Variants in SHTN1 observed in about 807,000 individuals in gnomAD.
SHTN1 encodes shootin 1, also known as shootin-1.
Under a neutral mutation model 83.1 loss-of-function variants are expected in SHTN1, and 42 were observed. The ratio of observed to expected loss-of-function variants is 0.51; its 90% CI spans 0.39 to 0.65. The LOEUF (loss-of-function observed/expected upper bound fraction) is 0.65. Among genes scored for constraint, SHTN1 ranks in the 30% least tolerant of loss-of-function variants. The probability of loss-of-function intolerance (pLI) is 0.00; values close to 1 mark genes in which losing one functional copy is unlikely to be tolerated. For missense variants in SHTN1, 622 were observed against 737.8 expected, an observed-to-expected ratio of 0.84 and a Z score of 1.82; for synonymous variants, 224 against 247.7, an observed-to-expected ratio of 0.90 and a Z score of 0.90.
Position 116,886,294 on chromosome 10 carries a change from T to C in SHTN1, c.*50A>G, listed in dbSNP as rs1333454373. 6.4e-7 allele frequency: 1 copy of C among 1,551,026 alleles called. No homozygotes were observed. The highest frequency in any genetic ancestry group is 8.7e-7 in the Non-Finnish European group (1 of 1,146,526). On this transcript the variant is annotated 3_prime_UTR_variant, in exon 17 of 17. Coordinates refer to ENST00000355371, the MANE Select transcript of SHTN1 (RefSeq NM_001127211.3). ...CTTGCCAATATAACAACACTAATCA[T>C]GTGCTTATTGAAAAGGACTTCCAAA...
chr10:116,979,797 T>C (rs1905540), intron 1 of SHTN1, among the ~76,000 whole-genome samples: 137,279 of 152,210 alleles, frequency 0.9, 63,541 homozygotes, highest in Non-Finnish European at 1. Context: ...GTCTGTGGTA[T>C]TGTAATCAGA....
At chr10:117,014,803 A>C (rs1811485292) in intron 2 of SHTN1, among the ~76,000 whole-genome samples, 1 of 152,234 alleles carries the variant, frequency 6.6e-6, no homozygotes. Context: ...TAGGAACCTA[A>C]TTTTAAAATA....
intron 1 of SHTN1, among the ~76,000 whole-genome samples, chr10:117,096,178 A>T (rs1274012789): frequency 1.3e-5 from 2 of 152,230 alleles, no homozygotes; most frequent in Non-Finnish European, 2.9e-5. Context: ...GGTCAAAAAA[A>T]TAAAGTGTAA....
chr10:116,981,995 T>G (rs1335062403), intron 1 of SHTN1, among the ~76,000 whole-genome samples: 1 of 152,054 alleles, frequency 6.6e-6, no homozygotes, highest in African/African-American at 2.4e-5. Context: ...GAGGCAGAGG[T>G]TGCAGTGAGC....
chr10:116,994,781 A>G (rs1424504392), intron 1 of SHTN1, among the ~76,000 whole-genome samples: 1 of 152,100 alleles, frequency 6.6e-6, no homozygotes, highest in African/African-American at 2.4e-5. Flanking sequence ...AAACCTCCCA[A>G]AATCAAATTG....
chr10:116,997,258 G>A (rs1286224481), intron 1 of SHTN1, among the ~76,000 whole-genome samples: 1 of 152,114 alleles, frequency 6.6e-6, no homozygotes, highest in African/African-American at 2.4e-5. Context: ...GCTTTCCTTT[G>A]TCCTAACACT....
intron 8 of SHTN1, among the ~76,000 whole-genome samples, chr10:116,941,388 C>T (rs983252910): frequency 1.3e-5 from 2 of 152,124 alleles, no homozygotes; most frequent in African/African-American, 4.8e-5. Context: ...ATATGTTATT[C>T]ATCAAATCCT....
intron 2 of SHTN1, among the ~76,000 whole-genome samples, chr10:117,045,090 A>G (rs1852641955): frequency 6.6e-6 from 1 of 152,190 alleles, no homozygotes; most frequent in Admixed American, 6.5e-5. Flanking sequence ...GCCTTTCTAT[A>G]AGAAATGGAA....
chr10:117,047,533 G>C (rs560221967), intron 2 of SHTN1, among the ~76,000 whole-genome samples: 13 of 152,178 alleles, frequency 8.5e-5, no homozygotes, highest in Non-Finnish European at 1.3e-4. Context: ...ACGTATCAAC[G>C]ATAATTGCGA....
Position 117,005,142 on chromosome 10 carries a change from G to A in SHTN1, c.-63C>T. 5.1e-6 allele frequency: 8 copies of A among 1,555,626 alleles called. No homozygotes were observed. Among genetic ancestry groups the A allele is most frequent in the Admixed American group, 3.9e-5 (2 of 51,238 alleles). On this transcript the variant is annotated 5_prime_UTR_variant, in exon 1 of 17. Coordinates refer to ENST00000355371, the MANE Select transcript of SHTN1 (RefSeq NM_001127211.3). ...AGCGGCGCGGGGCACACAGGAGGAGGGGGAAGAAAAAGCAAGATGCCGGTG... is the reference window on the plus strand; with the variant it reads ...AGCGGCGCGGGGCACACAGGAGGAGAGGGAAGAAAAAGCAAGATGCCGGTG...
chr10:117,044,171 C>A (rs1852627860), intron 2 of SHTN1, among the ~76,000 whole-genome samples: 1 of 152,076 alleles, frequency 6.6e-6, no homozygotes, highest in African/African-American at 2.4e-5. Context: ...CCACTCTACT[C>A]AAGGGTAACT....
chr10:116,897,355 CT>C (rs1417144057), intron 16 of SHTN1, among the ~76,000 whole-genome samples: 3 of 152,194 alleles, frequency 2.0e-5, no homozygotes, highest in African/African-American at 7.2e-5. Flanking sequence ...CCTCTTACTC[CT>C]TTTCCTAACC....
intron 1 of SHTN1, among the ~76,000 whole-genome samples, chr10:117,056,468 T>C (rs527607095): frequency 1.3e-5 from 2 of 152,244 alleles, no homozygotes; most frequent in African/African-American, 4.8e-5. Context: ...ATTCATGGGA[T>C]TGATTGATTC....
At chr10:117,055,766 G>A (rs958644541) in intron 1 of SHTN1, among the ~76,000 whole-genome samples, 1 of 152,204 alleles carries the variant, frequency 6.6e-6, no homozygotes, top group African/African-American at 2.4e-5. Flanking sequence ...TACTCAGGAG[G>A]CTGACGCAGG....
chr10:117,096,998 AGCGCGCACGC>A (rs943221853), intron 1 of SHTN1, among the ~76,000 whole-genome samples: 12 of 150,836 alleles, frequency 8.0e-5, no homozygotes, highest in East Asian at 2.0e-4. Context: ...CAAACACCCA[AGCGCGCACGC>A]GCGCGCACAC....
At chr10:117,089,398 G>A (rs1589927986) in intron 1 of SHTN1, among the ~76,000 whole-genome samples, 1 of 152,050 alleles carries the variant, frequency 6.6e-6, no homozygotes, top group African/African-American at 2.4e-5. Context: ...TCTTTAAAAA[G>A]TAACAAAAAA....
At chr10:116,977,662 C>CTGTT (rs1554923514) in intron 2 of SHTN1, among the ~76,000 whole-genome samples, 1 of 147,776 alleles carries the variant, frequency 6.8e-6, no homozygotes, top group Non-Finnish European at 1.5e-5. Context: ...CTTTCTTACT[C>CTGTT]TGTGTGTGTG....
At chr10:116,964,780 C>T (rs770443201) in intron 3 of SHTN1, among the ~76,000 whole-genome samples, 36 of 152,026 alleles carry the variant, frequency 2.4e-4, no homozygotes, top group Admixed American at 3.9e-4. Flanking sequence ...GTCAGGAGTT[C>T]GAGACCAGCC....
intron 6 of SHTN1, among the ~76,000 whole-genome samples, chr10:116,951,175 C>A (rs1849763085): frequency 6.6e-6 from 1 of 152,206 alleles, no homozygotes; most frequent in Admixed American, 6.5e-5. Context: ...GTGGTCCCAG[C>A]ACTTTGGGAG....
Sources: allele counts gnomAD v4.1 joint callset (sites outside exome capture counted in the v4.1 genomes callset), GRCh38; gene constraint gnomAD v4.1.1; transcripts MANE v1.5; gene names NCBI Gene and HGNC (gene_info 2026-07-23, HGNC 2026-07-21).